The following ZDHHC24 variants were observed in gnomAD, a reference collection of about 807,000 sequenced individuals.
ZDHHC24 encodes zDHHC palmitoyltransferase 24, also known as probable palmitoyltransferase ZDHHC24.
ZDHHC24 carries 17 observed loss-of-function variants against 23.2 expected under a neutral mutation model. The ratio of observed to expected loss-of-function variants is 0.73; its 90% CI spans 0.50 to 1.10. The LOEUF is 1.10. Ranked by LOEUF, ZDHHC24 falls within the 50% of genes least tolerant of loss-of-function variation. ZDHHC24 has a pLI of 0.00. For missense variants in ZDHHC24, 366 were observed against 393.0 expected, an observed-to-expected ratio of 0.93 and a Z score of 0.58; for synonymous variants, 186 against 194.5, an observed-to-expected ratio of 0.96 and a Z score of 0.36.
chr11:66,541,660 A>G (rs191341701), intron 2 of ZDHHC24, among the ~76,000 whole-genome samples: 39 of 152,158 alleles, frequency 2.6e-4, no homozygotes, highest in African/African-American at 9.2e-4. Context: ...CAGATAAAAG[A>G]TGAGAAAGGG....
chr11:66,526,792 C>T (rs1370913745), intron 4 of ZDHHC24: 19 of 1,614,082 alleles, frequency 1.2e-5, no homozygotes, highest in South Asian at 5.5e-5. Context: ...ACTGCGAGAG[C>T]GGGAGGCTGG....
At chr11:66,526,783 C>G in intron 4 of ZDHHC24, 1 of 1,614,250 alleles carries the variant, frequency 6.2e-7, no homozygotes, top group Non-Finnish European at 8.5e-7. Flanking sequence ...GGATCAGACA[C>G]TGCGAGAGCG....
chr11:66,528,211 C>T (rs898293648), intron 3 of ZDHHC24, among the ~76,000 whole-genome samples: 1 of 151,998 alleles, frequency 6.6e-6, no homozygotes, highest in Non-Finnish European at 1.5e-5. Flanking sequence ...AGCCAGACTC[C>T]GTCTCAAAGA....
intron 3 of ZDHHC24, chr11:66,529,010 C>T (rs1226050472): frequency 1.6e-5 from 7 of 448,108 alleles, no homozygotes; most frequent in Non-Finnish European, 2.0e-5. Flanking sequence ...CAGACCTTTT[C>T]TTCATACCAG....
intron 4 of ZDHHC24, chr11:66,524,054 C>A: frequency 3.2e-6 from 3 of 923,282 alleles, no homozygotes; most frequent in Non-Finnish European, 5.0e-6. Context: ...CCAAGGTGGG[C>A]AGATCACCTG....
At position 66,539,740 on chromosome 11, in the gene ZDHHC24, A is replaced by G; in HGVS notation, c.644T>C (p.Leu215Pro). The G allele has an allele frequency of 6.2e-7, 1 of 1,613,244 alleles. No individual in the cohort carries two copies. The highest frequency in any genetic ancestry group is 8.5e-7 in the Non-Finnish European group (1 of 1,179,918). The change falls in exon 3 of 3, where the codon CTC (leucine) becomes CCC (proline). Residue 215 changes from leucine to proline, a missense_variant. Physicochemically the swap from Leu to Pro is moderately conservative, Grantham distance 98. Coordinates refer to ENST00000310442, the MANE Select transcript of ZDHHC24 (RefSeq NM_207340.3). ...AGALLCGAGL[L>P]FHGMLLLRGQ... ...CCGCAGCAGCAGCATCCCATGGAAG[A>G]GCAGCCCAGCCCCGCACAGCAGCGC...
chr11:66,527,151 C>T (rs953606483), intron 3 of ZDHHC24: 16 of 746,256 alleles, frequency 2.1e-5, no homozygotes, highest in Non-Finnish European at 3.1e-5. Flanking sequence ...GGTGGGAGGA[C>T]AGCATGAGCC....
downstream of ZDHHC24, chr11:66,531,161 C>T: frequency 1.6e-6 from 2 of 1,272,414 alleles, no homozygotes; most frequent in East Asian, 2.5e-5. Context: ...GACCTACTCT[C>T]CCACCACAGA....
In ZDHHC24 at chr11:66,539,655, G is replaced by A. The variant is rs1343095750; in HGVS notation, c.729C>T (p.His243=). 5 of 1,611,930 alleles carry A rather than the reference G, an allele frequency of 3.1e-6. No homozygotes were observed. Among genetic ancestry groups the A allele is most frequent in the Non-Finnish European group, 4.2e-6 (5 of 1,179,624 alleles). ...GGGGCCCCAGGGCTGCCTGCAGGTT[G>A]TGGCAGGGACCCAGGTCATAGGAGT... ...GQHSYDLGPC[H]NLQAALGPRW... is the part of the protein sequence containing the mutation. Residue 243 remains histidine (H), a synonymous_variant, in exon 3 of 3, where the codon CAC becomes CAT. Transcript: ENST00000310442.
chr11:66,544,016 C>G, intron 1 of ZDHHC24, 35 bp from the exon 2 acceptor site: 1 of 1,605,212 alleles, frequency 6.2e-7, no homozygotes, highest in Non-Finnish European at 8.5e-7. Context: ...GTTCCCCCAG[C>G]AGCTCAGATG....
At chr11:66,526,156 G>C (rs377297999) in intron 4 of ZDHHC24, 1 of 1,614,186 alleles carries the variant, frequency 6.2e-7, no homozygotes, top group Non-Finnish European at 8.5e-7. Flanking sequence ...TGGCCGGTAC[G>C]GGCGGGAGGA....
rs373565365 is a variant in ZDHHC24 at position 66,524,420 on chromosome 11, T to G, written c.*21+2516A>C. 2.0e-3 allele frequency: 380 copies of G among 192,562 alleles called. 9 individuals carry two copies. In the South Asian group the frequency reaches 0.034, roughly 17 times the overall value. 11.9% of individuals were successfully genotyped at this position (192,562 alleles called of 1,614,324 possible). On this transcript the variant is annotated intron_variant, in intron 4 of 4. Coordinates refer to the ZDHHC24 transcript ENST00000526986. ...CAGCCAGCCAGAGACATAGCAAATT[T>G]AAAAGGGCCGACTGAAGCAGAGCAA...
At chr11:66,533,608 T>A (rs1308771047), downstream of ZDHHC24, 1 of 152,234 alleles carries the variant, frequency 6.6e-6, no homozygotes, top group Non-Finnish European at 1.5e-5. Context: ...ACTTTCTTTT[T>A]AATGGAGTTA....
chr11:66,537,739 T>C lies in ZDHHC24; in HGVS notation c.*1790A>G, dbSNP rs887728182. 9.0e-5 allele frequency: 13 copies of C among 144,972 alleles called. No homozygotes were observed. Among genetic ancestry groups the C allele is most frequent in the African/African-American group, 3.2e-4 (13 of 40,582 alleles). The allele number at this position is 144,972 out of a possible 1,614,324, so 9.0% of individuals were successfully genotyped here. A position where few individuals can be genotyped will look rare whatever the true frequency, so the allele number is the denominator to read the frequency against. On this transcript the variant is annotated 3_prime_UTR_variant, in exon 3 of 3. Transcript: ENST00000310442. ...GTCAGGAGATCGAGACCATCCTGGC[T>C]AACACGGTGAAACCTCGTCTCTACT... is the stretch of plus-strand genomic sequence containing the variant.
At chr11:66,543,381 T>C (rs974272495) in intron 2 of ZDHHC24, among the ~76,000 whole-genome samples, 2 of 152,172 alleles carry the variant, frequency 1.3e-5, no homozygotes, top group Admixed American at 1.3e-4. Flanking sequence ...CTCCAAGCCT[T>C]TGTTCCTATT....
At chr11:66,522,426 C>T (rs1856284289) in intron 4 of ZDHHC24, among the ~76,000 whole-genome samples, 1 of 151,242 alleles carries the variant, frequency 6.6e-6, no homozygotes, top group Admixed American at 6.6e-5. Context: ...CGGCTTACTG[C>T]AACCTCTGCC....
At position 66,537,015 on chromosome 11, in the gene ZDHHC24, C is replaced by T. The variant is rs1395399657; in HGVS notation, c.*2514G>A. 6.6e-6 allele frequency: 1 copy of T among 151,950 alleles called. No homozygotes were observed. The highest frequency in any genetic ancestry group is 2.4e-5 in the African/African-American group (1 of 41,426). The allele number at this position is 151,950 out of a possible 1,614,324, so 9.4% of individuals were successfully genotyped here. A position where few individuals can be genotyped will look rare whatever the true frequency, so the allele number is the denominator to read the frequency against. ...TCCTCCTGTCATTAAAAAATAGCAA[C>T]AGAGCATGCCTGTTACAAAAACAAC... is the stretch of plus-strand genomic sequence containing the variant. On this transcript the variant is annotated 3_prime_UTR_variant, in exon 3 of 3. Transcript: ENST00000310442.
intron 4 of ZDHHC24, among the ~76,000 whole-genome samples, chr11:66,525,795 A>G (rs1427042049): frequency 6.6e-6 from 1 of 152,220 alleles, no homozygotes; most frequent in Non-Finnish European, 1.5e-5. Flanking sequence ...GAGGTTTTCT[A>G]TCAGAGACCA....
At position 66,523,753 on chromosome 11, in the gene ZDHHC24, C is replaced by T. The variant is rs142243482; in HGVS notation, c.*22-2287G>A. 7.4e-5 allele frequency: 119 copies of T among 1,612,288 alleles called. 1 individual carries two copies. The highest frequency in any genetic ancestry group is 1.5e-4 in the African/African-American group (11 of 74,942). ...AGAAGCTGTGGACAGTGCAGATGCC[C>T]GCAGCCATCCTGACCATGAACCTCC... On this transcript the variant is annotated intron_variant, in intron 4 of 4. Coordinates refer to the ZDHHC24 transcript ENST00000526986.
Sources: gnomAD v4.1 joint callset for allele counts (sites outside exome capture counted in the v4.1 genomes callset) on GRCh38, gnomAD v4.1.1 for gene constraint, MANE v1.5 for transcripts, NCBI Gene and HGNC (gene_info 2026-07-23, HGNC 2026-07-21) for gene names.